The following LRP1B variants were observed in gnomAD, a reference collection of about 807,000 sequenced individuals.
The protein encoded by LRP1B is LDL receptor related protein 1B.
A neutral mutation model predicts 556.6 loss-of-function variants in LRP1B; 217 were observed. That is an observed-to-expected ratio of 0.39 (90% CI 0.35 to 0.44). LRP1B has a LOEUF of 0.44. Ranked by LOEUF, LRP1B falls within the 20% of genes least tolerant of loss-of-function variation. The pLI is 1.00. For missense variants in LRP1B, 5,053 were observed against 5,620.8 expected, an observed-to-expected ratio of 0.90 and a Z score of 3.23; for synonymous variants, 2,047 against 1,865.8, an observed-to-expected ratio of 1.10 and a Z score of -2.50.
At chr2:141,295,746 A>ACACACACACACACACACAC (rs1686155366) in intron 3 of LRP1B, among the ~76,000 whole-genome samples, 1 of 130,520 alleles carries the variant, frequency 7.7e-6, no homozygotes, top group Non-Finnish European at 1.6e-5. Flanking sequence ...TGAGGAGAGA[A>ACACACACACACACACACAC]ACACACACAC....
At chr2:141,437,815 A>G (rs1234913761) in intron 3 of LRP1B, among the ~76,000 whole-genome samples, 1 of 151,992 alleles carries the variant, frequency 6.6e-6, no homozygotes, top group Non-Finnish European at 1.5e-5. Context: ...CATATTCAAA[A>G]TCCTAAACAA....
intron 1 of LRP1B, among the ~76,000 whole-genome samples, chr2:141,991,675 A>G (rs1702349250): frequency 6.6e-6 from 1 of 152,086 alleles, no homozygotes; most frequent in Admixed American, 6.6e-5. Flanking sequence ...AAACAGACTT[A>G]GTTTTTATTT....
chr2:141,900,944 C>T (rs1044498901), intron 1 of LRP1B, among the ~76,000 whole-genome samples: 9 of 151,852 alleles, frequency 5.9e-5, no homozygotes, highest in East Asian at 1.9e-4. Context: ...GAGAAGGGAG[C>T]GGACTTGCAG....
At chr2:141,450,305 T>C (rs966902443) in intron 3 of LRP1B, among the ~76,000 whole-genome samples, 1 of 152,170 alleles carries the variant, frequency 6.6e-6, no homozygotes, top group Non-Finnish European at 1.5e-5. Context: ...TGGCCAAATA[T>C]CAAATTCCAG....
At chr2:141,273,539 T>G (rs1047113820) in intron 3 of LRP1B, among the ~76,000 whole-genome samples, 1 of 152,080 alleles carries the variant, frequency 6.6e-6, no homozygotes, top group African/African-American at 2.4e-5. Flanking sequence ...GCAAAAAAAA[T>G]AAAGTTGGAA....
At chr2:140,497,929 T>G (rs1229188401) in intron 55 of LRP1B, among the ~76,000 whole-genome samples, 1 of 151,918 alleles carries the variant, frequency 6.6e-6, no homozygotes, top group Non-Finnish European at 1.5e-5. Flanking sequence ...TTTTAAAATT[T>G]TATTTTGTTT....
chr2:141,719,695 A>G (rs534272059), intron 2 of LRP1B, among the ~76,000 whole-genome samples: 1 of 152,248 alleles, frequency 6.6e-6, no homozygotes, highest in South Asian at 2.1e-4. Flanking sequence ...CACAGCTGTA[A>G]AAAATGAAGC....
chr2:141,090,527 ATG>A (rs940507587), intron 7 of LRP1B, among the ~76,000 whole-genome samples: 5 of 152,350 alleles, frequency 3.3e-5, no homozygotes, highest in African/African-American at 1.2e-4. Context: ...TAGCATAGAA[ATG>A]TCAGAAGTCT....
At chr2:141,285,136 C>T (rs1408170783) in intron 3 of LRP1B, among the ~76,000 whole-genome samples, 21 of 144,416 alleles carry the variant, frequency 1.5e-4, no homozygotes, top group South Asian at 2.1e-4. Context: ...CTTGCACTGT[C>T]GCCCAGACTG....
chr2:141,049,914 CT>C (rs1450673823), intron 10 of LRP1B, among the ~76,000 whole-genome samples: 1 of 152,032 alleles, frequency 6.6e-6, no homozygotes, highest in Non-Finnish European at 1.5e-5. Flanking sequence ...AAAAAACTGT[CT>C]CCTGAGTTTA....
chr2:141,882,417 C>T lies in LRP1B; in HGVS notation c.83-72016G>A, dbSNP rs190696183. Among the ~76,000 whole-genome samples, 80 of 152,184 alleles carry T rather than the reference C, an allele frequency of 5.3e-4. 1 individual carries two copies. Among genetic ancestry groups the T allele is most frequent in the African/African-American group, 1.9e-3 (77 of 41,540 alleles). ...CTGTGAACACAGGGCTACATTAGTCCCAAATCCATGAAGCCTGCTCTGCTT... is the reference window on the plus strand; with the variant it reads ...CTGTGAACACAGGGCTACATTAGTCTCAAATCCATGAAGCCTGCTCTGCTT... On this transcript the variant is annotated intron_variant, in intron 1 of 90. Coordinates refer to ENST00000389484, the MANE Select transcript of LRP1B (RefSeq NM_018557.3).
intron 1 of LRP1B, among the ~76,000 whole-genome samples, chr2:141,891,145 T>A (rs1699279760): frequency 1.3e-5 from 2 of 152,288 alleles, no homozygotes; most frequent in Middle Eastern, 3.4e-3. Flanking sequence ...CTTTTCCTTT[T>A]TTTTAAACAA....
intron 11 of LRP1B, among the ~76,000 whole-genome samples, chr2:141,021,570 T>C (rs1698065224): frequency 6.6e-6 from 1 of 152,052 alleles, no homozygotes; most frequent in Admixed American, 6.6e-5. Flanking sequence ...TTTACCCTTT[T>C]CTATTTATTA....
intron 89 of LRP1B, among the ~76,000 whole-genome samples, chr2:140,236,070 T>C (rs556631366): frequency 6.6e-6 from 1 of 151,102 alleles, no homozygotes; most frequent in East Asian, 2.0e-4. Flanking sequence ...ATTTCAGATG[T>C]AGGAGTGAAT....
chr2:140,913,470 T>C (rs894875468), intron 21 of LRP1B, among the ~76,000 whole-genome samples: 2 of 151,962 alleles, frequency 1.3e-5, no homozygotes, highest in Non-Finnish European at 2.9e-5. Flanking sequence ...TGAAGGATGG[T>C]AGAAAATTTT....
intron 3 of LRP1B, among the ~76,000 whole-genome samples, chr2:141,365,691 TGCCCGGGCTGGAGTGCAGTG>T (rs371009630): frequency 0.079 from 7,736 of 97,436 alleles, 307 homozygotes; most frequent in African/African-American, 0.14. Flanking sequence ...CTCGCTCTGT[TGCCCGGGCTGGAGTGCAGTG>T]GCCCAGGCTG....
intron 18 of LRP1B, among the ~76,000 whole-genome samples, chr2:140,970,231 C>CT (rs1573936023): frequency 6.6e-6 from 1 of 152,128 alleles, no homozygotes; most frequent in African/African-American, 2.4e-5. Flanking sequence ...TCTTTTTACT[C>CT]TTTTTTCTCT....
At chr2:141,428,416 TA>T (rs1030359782) in intron 3 of LRP1B, among the ~76,000 whole-genome samples, 4 of 151,708 alleles carry the variant, frequency 2.6e-5, no homozygotes, top group South Asian at 2.1e-4. Context: ...TAAGTATATT[TA>T]AAAAAAAATC....
chr2:140,723,714 A>G (rs1574283777), intron 35 of LRP1B, among the ~76,000 whole-genome samples: 2 of 152,212 alleles, frequency 1.3e-5, no homozygotes, highest in African/African-American at 4.8e-5. Flanking sequence ...ATAATTTGAA[A>G]CAAGTTTTAT....
Sources: gnomAD v4.1 joint callset for allele counts (sites outside exome capture counted in the v4.1 genomes callset) on GRCh38, gnomAD v4.1.1 for gene constraint, MANE v1.5 for transcripts, NCBI Gene and HGNC (gene_info 2026-07-23, HGNC 2026-07-21) for gene names.